The following KCNH1 variants were observed in gnomAD, a reference collection of about 807,000 sequenced individuals.
KCNH1 encodes voltage-gated delayed rectifier potassium channel KCNH1.
A neutral mutation model predicts 69.2 loss-of-function variants in KCNH1; 27 were observed. The ratio of observed to expected loss-of-function variants is 0.39; its 90% CI spans 0.29 to 0.54. KCNH1 has a LOEUF of 0.54. Ranked by LOEUF, KCNH1 falls within the 20% of genes least tolerant of loss-of-function variation. KCNH1 has a pLI of 0.68. For synonymous variants in KCNH1, 456 were observed against 487.7 expected, an observed-to-expected ratio of 0.93 and a Z score of 0.86; for missense variants, 798 against 1,261.6, an observed-to-expected ratio of 0.63 and a Z score of 5.57.
intron 7 of KCNH1, among the ~76,000 whole-genome samples, chr1:210,877,914 T>C (rs745342192): frequency 1.3e-5 from 2 of 152,142 alleles, no homozygotes; most frequent in African/African-American, 4.8e-5. Flanking sequence ...CAAACATAGA[T>C]GCAAGAAATT....
chr1:210,867,362 C>CACAT (rs1491359165), intron 7 of KCNH1, among the ~76,000 whole-genome samples: 63 of 67,324 alleles, frequency 9.4e-4, no homozygotes, highest in African/African-American at 1.9e-3. Context: ...CACACACACA[C>CACAT]ATATATATAT....
At chr1:211,072,970 C>G (rs376917188) in intron 5 of KCNH1, among the ~76,000 whole-genome samples, 1 of 152,074 alleles carries the variant, frequency 6.6e-6, no homozygotes, top group Non-Finnish European at 1.5e-5. Context: ...AACTATATGT[C>G]GTCTACAGAA....
Position 210,992,603 on chromosome 1 carries a change from T to C in KCNH1, c.1032+26180A>G, listed in dbSNP as rs546699213. Among the ~76,000 whole-genome samples the C allele has an allele frequency of 4.6e-5, 7 of 152,296 alleles. No homozygotes were observed. In the South Asian group the frequency reaches 1.2e-3, roughly 27 times the overall value. ...TAACATATTTTTTTGGATTGAGACA[T>C]AAATAAGGGGTTCTATAAAACATTT... On this transcript the variant is annotated intron_variant, in intron 6 of 10. Coordinates refer to ENST00000271751, the MANE Select transcript of KCNH1 (RefSeq NM_172362.3).
intron 4 of KCNH1, among the ~76,000 whole-genome samples, 200 bp downstream of exon 4, chr1:211,090,362 T>C (rs1407313708): frequency 6.6e-6 from 1 of 152,194 alleles, no homozygotes; most frequent in African/African-American, 2.4e-5. Context: ...TCAAATGCTT[T>C]CCTAAACAAA....
rs184888471 is a variant in KCNH1 at position 210,846,550 on chromosome 1, C to T, written c.1463-42384G>A. The stretch of plus-strand genomic sequence containing the variant: ...ATATGTAGAAAGCTGAAACTGGATC[C>T]CTTCCTTACACCTTACACAAAAATT... On this transcript the variant is annotated intron_variant, in intron 7 of 10. Coordinates refer to ENST00000271751, the MANE Select transcript of KCNH1 (RefSeq NM_172362.3). Among the ~76,000 whole-genome samples, 858 of 152,194 alleles carry T rather than the reference C, an allele frequency of 5.6e-3. 4 individuals carry two copies. The highest frequency in any genetic ancestry group is 0.014 in the Middle Eastern group (4 of 294).
At chr1:210,846,981 G>C (rs1303456156) in intron 7 of KCNH1, among the ~76,000 whole-genome samples, 2 of 152,202 alleles carry the variant, frequency 1.3e-5, no homozygotes, top group East Asian at 3.8e-4. Context: ...GTGAAAAAAT[G>C]CTCACCATCA....
intron 7 of KCNH1, among the ~76,000 whole-genome samples, chr1:210,817,600 T>C (rs1334057764): frequency 6.6e-6 from 1 of 152,168 alleles, no homozygotes; most frequent in East Asian, 1.9e-4. Context: ...AATGCCTCTC[T>C]AAACAATAAA....
intron 6 of KCNH1, among the ~76,000 whole-genome samples, chr1:210,964,224 G>C (rs931268513): frequency 6.6e-6 from 1 of 152,194 alleles, no homozygotes; most frequent in Non-Finnish European, 1.5e-5. Context: ...ATCCTTTACA[G>C]ACGAGCAAAT....
chr1:211,093,545 C>G (rs936776158), intron 3 of KCNH1, among the ~76,000 whole-genome samples: 11 of 152,336 alleles, frequency 7.2e-5, no homozygotes, highest in African/African-American at 2.6e-4. Flanking sequence ...CTCAGCCTCC[C>G]AAAGTGCTGG....
chr1:210,967,089 C>T (rs1300331143), intron 6 of KCNH1, among the ~76,000 whole-genome samples: 1 of 151,986 alleles, frequency 6.6e-6, no homozygotes, highest in African/African-American at 2.4e-5. Flanking sequence ...AACCACACAC[C>T]ACATGTTCTC....
At chr1:211,041,401 A>G (rs1352016353) in intron 5 of KCNH1, among the ~76,000 whole-genome samples, 1 of 152,136 alleles carries the variant, frequency 6.6e-6, no homozygotes, top group Admixed American at 6.5e-5. Context: ...GAACTAATCT[A>G]TCACAGGGAG....
intron 7 of KCNH1, among the ~76,000 whole-genome samples, chr1:210,806,600 T>C (rs749598984): frequency 2.0e-4 from 27 of 134,514 alleles, no homozygotes; most frequent in Non-Finnish European, 3.3e-4. Context: ...CTTTGGTTTA[T>C]TTGATTCAGC....
intron 7 of KCNH1, among the ~76,000 whole-genome samples, chr1:210,915,244 T>C (rs1687311611): frequency 1.3e-5 from 2 of 152,308 alleles, no homozygotes; most frequent in South Asian, 2.1e-4. Context: ...GGTCTGTCTC[T>C]GTCCTTCCTA....
chr1:210,685,031 C>T (rs547346643), intron 10 of KCNH1, among the ~76,000 whole-genome samples: 124 of 152,288 alleles, frequency 8.1e-4, no homozygotes, highest in Non-Finnish European at 1.2e-3. Context: ...AGGTGGCCAG[C>T]AGGTAATGAC....
intron 6 of KCNH1, among the ~76,000 whole-genome samples, chr1:210,943,458 C>T (rs1285132070): frequency 6.6e-6 from 1 of 152,146 alleles, no homozygotes. Flanking sequence ...AGGCCAATCT[C>T]CTGCCTCAGT....
chr1:211,060,306 A>T (rs1034454323), intron 5 of KCNH1, among the ~76,000 whole-genome samples: 1 of 144,096 alleles, frequency 6.9e-6, no homozygotes, highest in Non-Finnish European at 1.5e-5. Flanking sequence ...AAATAACCTT[A>T]TGATGCATCT....
At chr1:210,860,706 G>T in intron 7 of KCNH1, 1 of 776,320 alleles carries the variant, frequency 1.3e-6, no homozygotes, top group South Asian at 1.4e-5. Flanking sequence ...CTTGATTGCT[G>T]ATAAATACTT....
At chr1:210,987,635 C>A (rs1174051469) in intron 6 of KCNH1, among the ~76,000 whole-genome samples, 2 of 152,122 alleles carry the variant, frequency 1.3e-5, no homozygotes, top group African/African-American at 2.4e-5. Context: ...CCTGATCGTT[C>A]CTCTGGAAGT....
chr1:210,881,044 G>A (rs930264264), intron 7 of KCNH1, among the ~76,000 whole-genome samples: 10 of 148,964 alleles, frequency 6.7e-5, no homozygotes, highest in African/African-American at 2.5e-4. Flanking sequence ...TGGAAACAGA[G>A]TCTCACTCTG....
Sources: allele counts gnomAD v4.1 joint callset (sites outside exome capture counted in the v4.1 genomes callset), GRCh38; gene constraint gnomAD v4.1.1; transcripts MANE v1.5; gene names NCBI Gene and HGNC (gene_info 2026-07-23, HGNC 2026-07-21).